Variants in ADCY8 observed in about 807,000 individuals in gnomAD.
ADCY8 encodes adenylate cyclase type 8.
In ADCY8, 51 loss-of-function variants were observed where a neutral mutation model predicts 119.7. The observed-to-expected ratio is 0.43, with a 90% CI of 0.34 to 0.54. ADCY8 has a LOEUF of 0.54. ADCY8 is among the 20% of genes least tolerant of loss of function. The pLI, the probability that ADCY8 is intolerant of heterozygous loss-of-function variation, is 0.03. For synonymous variants in ADCY8, 665 were observed against 651.0 expected (o/e 1.02, Z -0.33); for missense variants, 1,383 against 1,598.8 (o/e 0.87, Z 2.30).
intron 1 of ADCY8, among the ~76,000 whole-genome samples, chr8:131,035,200 T>C (rs1484975886): frequency 6.6e-6 from 1 of 152,138 alleles, no homozygotes; most frequent in African/African-American, 2.4e-5. Flanking sequence ...GAGGCTTATT[T>C]AACTTGGATT....
chr8:130,863,194 G>A (rs898810683), intron 9 of ADCY8, among the ~76,000 whole-genome samples: 8 of 151,978 alleles, frequency 5.3e-5, no homozygotes, highest in Non-Finnish European at 1.0e-4. Flanking sequence ...TCTTCTTAGA[G>A]AATTGATTTT....
intron 7 of ADCY8, among the ~76,000 whole-genome samples, chr8:130,896,815 T>C (rs1204951781): frequency 6.6e-6 from 1 of 152,126 alleles, no homozygotes; most frequent in Non-Finnish European, 1.5e-5. Flanking sequence ...CTGTAAACAG[T>C]GGATGTCCCC....
intron 8 of ADCY8, among the ~76,000 whole-genome samples, chr8:130,872,809 C>T (rs1364700189): frequency 6.6e-6 from 1 of 152,090 alleles, no homozygotes; most frequent in African/African-American, 2.4e-5. Context: ...AAATGATAAA[C>T]AAATCATTTC....
chr8:130,789,935 C>T (rs969357638), intron 15 of ADCY8, among the ~76,000 whole-genome samples: 3 of 152,122 alleles, frequency 2.0e-5, no homozygotes, highest in South Asian at 4.2e-4. Flanking sequence ...CTAGTGCATG[C>T]GTGAGTCAGA....
chr8:130,971,580 C>T (rs1821924280), intron 2 of ADCY8, among the ~76,000 whole-genome samples: 1 of 152,090 alleles, frequency 6.6e-6, no homozygotes, highest in Non-Finnish European at 1.5e-5. Context: ...ACTACTCTTA[C>T]AGAGCTTCAG....
At chr8:130,962,039 C>T (rs773573584) in intron 2 of ADCY8, among the ~76,000 whole-genome samples, 30 of 152,150 alleles carry the variant, frequency 2.0e-4, no homozygotes, top group Non-Finnish European at 4.0e-4. Context: ...CTCAAGTCAT[C>T]GATGCTTTCA....
Position 130,943,406 on chromosome 8 carries a change from T to C in ADCY8, c.1298A>G (p.Gln433Arg), listed in dbSNP as rs542408280. 1 of 1,601,302 alleles carries C rather than the reference T, an allele frequency of 6.2e-7. No homozygotes were observed. The highest frequency in any genetic ancestry group is 1.4e-5 in the African/African-American group (1 of 70,560). The change falls in exon 4 of 18, where the codon CAG becomes CGG. Residue 433 changes from glutamine (Q) to arginine (R), a missense_variant. This residue lies in a region of ADCY8 where 928 missense variants were observed against 1,163.5 expected (regional missense o/e 0.80). Transcript: ENST00000286355. ...CTCGTTGAGCATCCTGACCAGCTCC[T>C]GAGCAGACAAGGTCGTGGAGAGGTT... ...FTNLSTTLSA[Q>R]ELVRMLNELF... is the part of the protein sequence containing the mutation.
At chr8:130,895,610 A>G (rs540685340) in intron 7 of ADCY8, among the ~76,000 whole-genome samples, 1 of 152,276 alleles carries the variant, frequency 6.6e-6, no homozygotes, top group South Asian at 2.1e-4. Flanking sequence ...CTCAGCAGCT[A>G]TCCTCAGATT....
rs1819920496 is a variant in ADCY8 at position 130,909,837 on chromosome 8, A to G, written c.1511T>C (p.Val504Ala). 2.5e-6 allele frequency: 4 copies of G among 1,614,080 alleles called. No homozygotes were observed. Among genetic ancestry groups the G allele is most frequent in the Non-Finnish European group, 3.4e-6 (4 of 1,180,026 alleles). Residue 504 changes from valine to alanine, a missense_variant, in exon 6 of 18, where the codon GTT (valine) becomes GCT (alanine). By Grantham distance (64) the Val-to-Ala change is moderately conservative (BLOSUM62 0). Around this residue, in one of 2 missense-constraint regions of ADCY8, gnomAD observed 928 missense variants for 1,163.5 expected, o/e 0.80. Transcript: ENST00000286355. ...RYVRSRTKHDVDMRIGIHSGS... is the reference protein window; with the variant it reads ...RYVRSRTKHDADMRIGIHSGS... ...GGAGTGGATTCCAATCCTCATGTCAACATCGTGTTTTGTCCTTGACCGCAC... is the reference window on the plus strand; with the variant it reads ...GGAGTGGATTCCAATCCTCATGTCAGCATCGTGTTTTGTCCTTGACCGCAC...
intron 2 of ADCY8, among the ~76,000 whole-genome samples, chr8:130,952,364 C>A (rs80158160): frequency 1.3e-5 from 2 of 152,120 alleles, no homozygotes; most frequent in Non-Finnish European, 2.9e-5. Context: ...GACAGCGATG[C>A]ATATCAGGGA....
intron 9 of ADCY8, among the ~76,000 whole-genome samples, chr8:130,851,109 C>A (rs572340811): frequency 6.6e-6 from 1 of 152,258 alleles, no homozygotes; most frequent in South Asian, 2.1e-4. Context: ...TGTTTGCAAT[C>A]ATCTTTTTTG....
chr8:130,824,611 C>T (rs971201441), intron 12 of ADCY8, among the ~76,000 whole-genome samples: 3 of 152,314 alleles, frequency 2.0e-5, no homozygotes, highest in Middle Eastern at 3.4e-3. Context: ...GACGAATTCA[C>T]GAAGGTCGTG....
At chr8:130,998,367 CAG>C (rs962503960) in intron 1 of ADCY8, among the ~76,000 whole-genome samples, 11 of 152,106 alleles carry the variant, frequency 7.2e-5, no homozygotes, top group African/African-American at 2.7e-4. Context: ...ATTCCAGGCA[CAG>C]AAAAGTTCCA....
Position 130,849,906 on chromosome 8 carries a change from CT to C in ADCY8, c.2211-104del, listed in dbSNP as rs1427374903. 36 of 1,134,896 alleles carry C rather than the reference CT, an allele frequency of 3.2e-5. No individual in the cohort carries two copies. The South Asian group carries it at 5.5e-4, about 17-fold the overall frequency. The allele number at this position is 1,134,896 out of a possible 1,614,324, so 70.3% of individuals were successfully genotyped here. ...TTCCCATCCCTTGCATCGGATACTT[CT>C]TTGAAAGTTCTGTTTGTCCAAGAAA... On this transcript the variant is annotated intron_variant, in intron 9 of 17. Transcript: ENST00000286355.
chr8:130,870,084 G>A (rs147636055), intron 8 of ADCY8, among the ~76,000 whole-genome samples: 2,850 of 149,642 alleles, frequency 0.019, 60 homozygotes, highest in South Asian at 0.062. Flanking sequence ...TGCAATCTCG[G>A]CTCACTGCAA....
chr8:130,939,316 C>A (rs1483188586), intron 4 of ADCY8, among the ~76,000 whole-genome samples: 1 of 152,094 alleles, frequency 6.6e-6, no homozygotes, highest in Non-Finnish European at 1.5e-5. Context: ...TTTTTAAAAT[C>A]TCATGCCAAG....
intron 2 of ADCY8, among the ~76,000 whole-genome samples, chr8:130,980,943 A>G (rs1461091494): frequency 6.6e-6 from 1 of 152,214 alleles, no homozygotes; most frequent in Non-Finnish European, 1.5e-5. Flanking sequence ...AGTATACACT[A>G]AACACTCATA....
intron 15 of ADCY8, among the ~76,000 whole-genome samples, chr8:130,788,370 A>C (rs1815323400): frequency 6.6e-6 from 1 of 152,260 alleles, no homozygotes; most frequent in Admixed American, 6.5e-5. Flanking sequence ...CATTATGGTA[A>C]GTGAAATAAG....
chr8:131,019,821 C>CTCTCTCTG (rs1563770516), intron 1 of ADCY8, among the ~76,000 whole-genome samples: 4 of 125,294 alleles, frequency 3.2e-5, no homozygotes, highest in African/African-American at 1.3e-4. Flanking sequence ...CTCTCTCTCT[C>CTCTCTCTG]TCTCTCTCTC....
Sources: allele counts gnomAD v4.1 joint callset (sites outside exome capture counted in the v4.1 genomes callset), GRCh38; gene constraint gnomAD v4.1.1; regional missense constraint gnomAD v4.1.1; transcripts MANE v1.5; gene names NCBI Gene and HGNC (gene_info 2026-07-23, HGNC 2026-07-21).